CLEC16A: variants seen among roughly 807,000 people sequenced by gnomAD.
CLEC16A encodes C-type lectin domain containing 16A.
A neutral mutation model predicts 109.5 loss-of-function variants in CLEC16A; 51 were observed. The ratio of observed to expected loss-of-function variants is 0.47; its 90% CI spans 0.37 to 0.59. The LOEUF (loss-of-function observed/expected upper bound fraction) is 0.59. Among genes scored for constraint, CLEC16A ranks in the 20% least tolerant of loss-of-function variants. CLEC16A has a pLI of 0.00. For missense variants in CLEC16A, 1,339 were observed against 1,394.0 expected (o/e 0.96, Z 0.63); for synonymous variants, 673 against 564.2 (o/e 1.19, Z -2.73).
At chr16:10,970,467 A>G (rs994243513) in intron 4 of CLEC16A, among the ~76,000 whole-genome samples, 6 of 152,256 alleles carry the variant, frequency 3.9e-5, no homozygotes, top group Non-Finnish European at 8.8e-5. Context: ...CATGTTATAG[A>G]TGTAGAAACA....
chr16:11,115,071 T>A (rs2051884337), intron 19 of CLEC16A, among the ~76,000 whole-genome samples: 1 of 152,204 alleles, frequency 6.6e-6, no homozygotes, highest in African/African-American at 2.4e-5. Flanking sequence ...AGGTCTTTCT[T>A]CCGCTGAAGC....
In CLEC16A at chr16:11,178,522, G is replaced by A. The variant is rs746280563; in HGVS notation, c.2994G>A (p.Thr998=). 11 of 1,613,248 alleles carry A rather than the reference G, an allele frequency of 6.8e-6. No homozygotes were observed. The highest frequency in any genetic ancestry group is 2.7e-5 in the African/African-American group (2 of 74,932). Residue 998 remains threonine (T), a synonymous_variant, in exon 24 of 24, where the codon ACG becomes ACA. Coordinates refer to ENST00000409790, the MANE Select transcript of CLEC16A (RefSeq NM_015226.3). This position sits in a 1 kb window ranked among gnomAD's most constrained non-coding sequence, Gnocchi z 6.5. ...QPTISLLCED[T]ADTLSVESLT... is the part of the protein sequence containing the mutation. ...CCATTTCCCTGCTCTGCGAGGACAC[G>A]GCTGACACGCTGAGCGTCGAATCGC...
At chr16:11,054,872 T>G (rs2048126579) in intron 18 of CLEC16A, among the ~76,000 whole-genome samples, 1 of 152,172 alleles carries the variant, frequency 6.6e-6, no homozygotes, top group Middle Eastern at 3.4e-3. Context: ...TCGTTTCAAG[T>G]TTTTTGCTTG....
chr16:10,949,312 C>A lies in CLEC16A; in HGVS notation c.80+4515C>A, dbSNP rs373939440. Reference sequence around the variant, plus strand: ...TATGGGTCCTAGGCTCCCACTATGTCACGTCTAAGTTCTTCCAGGCCTTCC... The same window carrying A: ...TATGGGTCCTAGGCTCCCACTATGTAACGTCTAAGTTCTTCCAGGCCTTCC... On this transcript the variant is annotated intron_variant, in intron 1 of 23. Transcript: ENST00000409790. Among the ~76,000 whole-genome samples the A allele has an allele frequency of 2.0e-5, 3 of 152,122 alleles. 1 individual carries two copies. In the East Asian group the frequency reaches 5.8e-4, roughly 29 times the overall value.
At chr16:11,024,669 C>T (rs1403902176) in intron 12 of CLEC16A, 152 bp from the exon 13 acceptor site, 2 of 589,782 alleles carry the variant, frequency 3.4e-6, no homozygotes, top group African/African-American at 1.8e-5. Flanking sequence ...TCTCATTTGT[C>T]TGTGTCCTCA....
intron 1 of CLEC16A, among the ~76,000 whole-genome samples, chr16:10,952,131 G>A (rs541238648): frequency 1.5e-3 from 226 of 152,320 alleles, no homozygotes; most frequent in African/African-American, 5.1e-3. Flanking sequence ...CACGGTTGCC[G>A]TTTCTCTTTC....
rs1361827949 is a variant in CLEC16A at position 11,042,312 on chromosome 16, C to T, written c.1719C>T (p.Val573=). ...GCTGCCTGCTTCTGAAGCAGCAAGT[C>T]CTGATGAGTGCTGGCTGCATCATGA... ...ELSCLLLKQQ[V]LMSAGCIMKD... The change falls in exon 15 of 24, where the codon GTC becomes GTT. Residue 573 remains valine (V), a synonymous_variant. Transcript: ENST00000409790. The T allele has an allele frequency of 2.5e-6, 4 of 1,594,148 alleles. No individual in the cohort carries two copies. In the African/African-American group the frequency reaches 5.4e-5, roughly 21 times the overall value.
At chr16:11,102,662 T>G (rs1485887780) in intron 19 of CLEC16A, among the ~76,000 whole-genome samples, 1 of 152,220 alleles carries the variant, frequency 6.6e-6, no homozygotes, top group Non-Finnish European at 1.5e-5. Flanking sequence ...TTGCCCTGAC[T>G]GAGGCCACAC....
In CLEC16A at chr16:11,001,097, T is replaced by C. The variant is rs78192560; in HGVS notation, c.1072-1977T>C. On this transcript the variant is annotated intron_variant, in intron 10 of 23. Coordinates refer to ENST00000409790, the MANE Select transcript of CLEC16A (RefSeq NM_015226.3). ...GTCTGTTTGCATGTCTATACCCTTT[T>C]TTTTTTATTTTCTTTTTTGAGACAT... is the stretch of plus-strand genomic sequence containing the variant. 3.4e-3 allele frequency among the ~76,000 whole-genome samples: 521 copies of C among 152,326 alleles called. 7 individuals are homozygous for C. Among genetic ancestry groups the C allele is most frequent in the Admixed American group, 0.029 (442 of 15,304 alleles).
intron 22 of CLEC16A, chr16:11,157,075 A>G (rs2153085198): frequency 1.5e-6 from 2 of 1,304,004 alleles, no homozygotes; most frequent in South Asian, 2.5e-5. Flanking sequence ...TCTTTTCTGC[A>G]GGTTTTCAAG....
intron 19 of CLEC16A, among the ~76,000 whole-genome samples, chr16:11,102,854 A>G (rs949836375): frequency 1.3e-5 from 2 of 152,224 alleles, no homozygotes; most frequent in Admixed American, 6.5e-5. Flanking sequence ...TAGTAACACT[A>G]TAGGGACAGT....
Position 11,133,231 on chromosome 16 carries a change from C to T in CLEC16A, c.2641+7085C>T, listed in dbSNP as rs534682612. ...GCGGGCACCTGTAGTCCCAGCTACT[C>T]GGGAGGCTGAGGCAGGAGAATCACT... is the stretch of plus-strand genomic sequence containing the variant. On this transcript the variant is annotated intron_variant, in intron 22 of 23. Transcript: ENST00000409790. 1.2e-3 allele frequency among the ~76,000 whole-genome samples: 182 copies of T among 151,682 alleles called. 1 individual carries two copies. Among genetic ancestry groups the T allele is most frequent in the African/African-American group, 3.8e-3 (159 of 41,342 alleles).
At chr16:11,120,792 C>G (rs1299414570) in intron 20 of CLEC16A, 26 bp downstream of exon 20, 7 of 1,484,936 alleles carry the variant, frequency 4.7e-6, no homozygotes, top group Non-Finnish European at 6.3e-6. Flanking sequence ...GCTCTGGGAT[C>G]TGTTCTCAGT....
chr16:11,031,394 T>C (rs2046735429), intron 13 of CLEC16A, among the ~76,000 whole-genome samples: 1 of 152,206 alleles, frequency 6.6e-6, no homozygotes, highest in Admixed American at 6.5e-5. Flanking sequence ...AGCAGAGACG[T>C]CATGGCTTAC....
At chr16:10,974,470 C>T (rs2042945983) in intron 7 of CLEC16A, among the ~76,000 whole-genome samples, 1 of 152,194 alleles carries the variant, frequency 6.6e-6, no homozygotes, top group African/African-American at 2.4e-5. Context: ...GTTGGGGGGG[C>T]TGTCCTGTGC....
chr16:10,953,590 A>G (rs1442603974), intron 1 of CLEC16A, among the ~76,000 whole-genome samples: 1 of 152,234 alleles, frequency 6.6e-6, no homozygotes, highest in African/African-American at 2.4e-5. Flanking sequence ...GTAAGCCACC[A>G]TCAGAGAAAG....
chr16:11,167,208 G>T (rs1300525548), intron 23 of CLEC16A, among the ~76,000 whole-genome samples: 1 of 152,106 alleles, frequency 6.6e-6, no homozygotes, highest in Non-Finnish European at 1.5e-5. Flanking sequence ...ACAGACACCA[G>T]GCCTCTGGCA....
chr16:11,033,731 T>C (rs1047171862), intron 13 of CLEC16A, among the ~76,000 whole-genome samples: 2 of 152,200 alleles, frequency 1.3e-5, no homozygotes, highest in African/African-American at 4.8e-5. Context: ...AAAAACCAAA[T>C]GTGAGCTCAG....
chr16:11,151,005 G>T (rs1490064378), intron 22 of CLEC16A, among the ~76,000 whole-genome samples: 1 of 152,132 alleles, frequency 6.6e-6, no homozygotes, highest in Non-Finnish European at 1.5e-5. Flanking sequence ...CAAACCTAAT[G>T]ACCTCATTTT....
Sources: gnomAD v4.1 joint callset for allele counts (sites outside exome capture counted in the v4.1 genomes callset) on GRCh38, gnomAD v4.1.1 for gene constraint, Gnocchi (gnomAD v3.1) non-coding constraint, MANE v1.5 for transcripts, NCBI Gene and HGNC (gene_info 2026-07-23, HGNC 2026-07-21) for gene names.